Variants in TIMM8B observed in about 807,000 individuals in gnomAD.
TIMM8B encodes mitochondrial import inner membrane translocase subunit Tim8 B.
In TIMM8B, 5 loss-of-function variants were observed where a neutral mutation model predicts 8.5. The ratio of observed to expected loss-of-function variants is 0.59; its 90% confidence interval spans 0.31 to 1.24. The LOEUF is 1.24. TIMM8B is among the 50% of genes most tolerant of loss of function. The probability of loss-of-function intolerance (pLI) is 0.07; values close to 1 mark genes in which losing one functional copy is unlikely to be tolerated. For missense variants in TIMM8B, 104 were observed against 109.2 expected (o/e 0.95, Z 0.21); for synonymous variants, 44 against 39.9 (o/e 1.10, Z -0.39).
In TIMM8B at chr11:112,086,679, C is replaced by G; in HGVS notation, c.45G>C (p.Leu15=). The change falls in exon 1 of 2, where the codon CTG becomes CTC. Residue 15 remains leucine, a synonymous_variant. Coordinates refer to ENST00000504148, the MANE Select transcript of TIMM8B (RefSeq NM_012459.4). ...GCGCCTTCTGCTGCTCGGCGGCCAC[C>G]AGGCGCTGCAACTCCGCTTCATCGG... The part of the protein sequence containing the change: ...GEADEAELQR[L]VAAEQQKAQF... The G allele has an allele frequency of 1.2e-6, 2 of 1,603,072 alleles. No homozygotes were observed. Among genetic ancestry groups the G allele is most frequent in the Non-Finnish European group, 1.7e-6 (2 of 1,178,650 alleles).
In TIMM8B at chr11:112,085,156, C is replaced by T; in HGVS notation, c.*139G>A. 1.7e-6 allele frequency: 1 copy of T among 572,426 alleles called. No individual in the cohort carries two copies. The highest frequency in any genetic ancestry group is 2.8e-6 in the Non-Finnish European group (1 of 355,768). The allele number at this position is 572,426 out of a possible 1,614,324, so 35.5% of individuals were successfully genotyped here. ...AATAAATTTCACTCTTTGAACATTT[C>T]ATCTTTTACTTTTTAGCACCAACAG... On this transcript the variant is annotated 3_prime_UTR_variant, in exon 2 of 2. Coordinates refer to ENST00000504148, the MANE Select transcript of TIMM8B (RefSeq NM_012459.4).
Position 112,085,348 on chromosome 11 carries a change from T to G in TIMM8B, c.199A>C (p.Thr67Pro), listed in dbSNP as rs778412691. The change falls in exon 2 of 2, where the codon ACT (threonine) becomes CCT (proline). Residue 67 changes from threonine to proline, a missense_variant. Thr to Pro is a conservative substitution (Grantham distance 38, BLOSUM62 -1). Coordinates refer to ENST00000504148, the MANE Select transcript of TIMM8B (RefSeq NM_012459.4). ...SSCVDRFIDT[T>P]LAITSRFAQI... ...GCAAACCGACTGGTGATGGCAAGAG[T>G]GGTGTCAATGAAGCGGTCTACACAG... The G allele has an allele frequency of 6.2e-7, 1 of 1,612,912 alleles. No individual in the cohort carries two copies. The highest frequency in any genetic ancestry group is 8.5e-7 in the Non-Finnish European group (1 of 1,179,860).
chr11:112,086,382 A>G, intron 1 of TIMM8B: 1 of 657,396 alleles, frequency 1.5e-6, no homozygotes, highest in South Asian at 1.5e-5. Flanking sequence ...CCGGCTAACT[A>G]GTCTCCCGTA....
intron 1 of TIMM8B, chr11:112,085,951 GA>G: frequency 9.4e-7 from 1 of 1,060,364 alleles, no homozygotes; most frequent in South Asian, 2.7e-5. Context: ...CACCCAAAAG[GA>G]AAAAACCATT....
chr11:112,085,043 T>C lies in TIMM8B; in HGVS notation c.*252A>G. On this transcript the variant is annotated 3_prime_UTR_variant, in exon 2 of 2. Coordinates refer to ENST00000504148, the MANE Select transcript of TIMM8B (RefSeq NM_012459.4). The stretch of plus-strand genomic sequence containing the variant: ...CCAATCAGAGATCTCTATATTAAAT[T>C]CTAAAATGGGATTAAAAGAAGAGTT... 5.8e-6 allele frequency: 2 copies of C among 343,452 alleles called. No homozygotes were observed. The highest frequency in any genetic ancestry group is 1.1e-5 in the Non-Finnish European group (2 of 188,528). The allele number at this position is 343,452 out of a possible 1,614,324, so 21.3% of individuals were successfully genotyped here.
At position 112,086,675 on chromosome 11, in the gene TIMM8B, C is replaced by T. The variant is rs770471196; in HGVS notation, c.49G>A (p.Ala17Thr). 1.9e-6 allele frequency: 3 copies of T among 1,602,408 alleles called. No individual in the cohort carries two copies. Among genetic ancestry groups the T allele is most frequent in the Non-Finnish European group, 1.7e-6 (2 of 1,178,594 alleles). Residue 17 changes from alanine (A) to threonine (T), a missense_variant, in exon 1 of 2, where the codon GCC (alanine) becomes ACC (threonine). Physicochemically the swap from Ala to Thr is moderately conservative, Grantham distance 58 (BLOSUM62 0). Coordinates refer to ENST00000504148, the MANE Select transcript of TIMM8B (RefSeq NM_012459.4). ...AACTGCGCCTTCTGCTGCTCGGCGG[C>T]CACCAGGCGCTGCAACTCCGCTTCA... ...ADEAELQRLV[A>T]AEQQKAQFTA...
At position 112,086,755 on chromosome 11, in the gene TIMM8B, C is replaced by T. The variant is rs1414149007; in HGVS notation, c.-32G>A. The T allele has an allele frequency of 1.9e-6, 3 of 1,602,092 alleles. No homozygotes were observed. The highest frequency in any genetic ancestry group is 2.7e-5 in the African/African-American group (2 of 74,802). The stretch of plus-strand genomic sequence containing the variant: ...CCTCAGGCTCGCCACCTTCCGACAG[C>T]TGTGTTTGCGCATGCGCGACGGGTG... On this transcript the variant is annotated 5_prime_UTR_variant, in exon 1 of 2. Coordinates refer to ENST00000504148, the MANE Select transcript of TIMM8B (RefSeq NM_012459.4).
Sources: gnomAD v4.1 joint callset for allele counts on GRCh38, gnomAD v4.1.1 for gene constraint, MANE v1.5 for transcripts, NCBI Gene and HGNC (gene_info 2026-07-23, HGNC 2026-07-21) for gene names.